Variants in LMX1B observed in about 807,000 individuals in gnomAD.
LMX1B encodes LIM homeobox transcription factor 1 beta.
Under a neutral mutation model 51.4 loss-of-function variants are expected in LMX1B, and 12 were observed. The ratio of observed to expected loss-of-function variants is 0.23; its 90% CI spans 0.15 to 0.38. The LOEUF is 0.38. LMX1B is among the 10% of genes least tolerant of loss of function. The pLI is 1.00. For missense variants in LMX1B, 445 were observed against 571.1 expected (o/e 0.78, Z 2.25); for synonymous variants, 237 against 235.4 (o/e 1.01, Z -0.06).
At chr9:126,648,892 G>C (rs1170645670) in intron 2 of LMX1B, among the ~76,000 whole-genome samples, 1 of 152,198 alleles carries the variant, frequency 6.6e-6, no homozygotes, top group Non-Finnish European at 1.5e-5. Flanking sequence ...TCAACTCCCA[G>C]AGGCAGAGCT....
chr9:126,660,090 GTCC>G (rs1274697230), intron 2 of LMX1B, among the ~76,000 whole-genome samples: 12 of 149,120 alleles, frequency 8.0e-5, no homozygotes, highest in African/African-American at 1.7e-4. Flanking sequence ...TTCAGAGGTT[GTCC>G]TGTGTGGGGG....
chr9:126,662,769 C>T (rs908971892), intron 2 of LMX1B, among the ~76,000 whole-genome samples: 6 of 152,218 alleles, frequency 3.9e-5, no homozygotes, highest in African/African-American at 7.2e-5. Flanking sequence ...CCACCGCTGC[C>T]GGGATTCAAG....
chr9:126,664,343 C>T (rs1267223305), intron 2 of LMX1B, among the ~76,000 whole-genome samples: 1 of 152,128 alleles, frequency 6.6e-6, no homozygotes, highest in East Asian at 1.9e-4. Flanking sequence ...CAGGACCAGG[C>T]CCCCCAAGTT....
At chr9:126,664,705 C>T (rs1424983645) in intron 2 of LMX1B, among the ~76,000 whole-genome samples, 6 of 152,072 alleles carry the variant, frequency 3.9e-5, no homozygotes, top group African/African-American at 9.7e-5. Context: ...GAAACCCCGT[C>T]GATACTAAAA....
intron 2 of LMX1B, among the ~76,000 whole-genome samples, chr9:126,639,662 C>T (rs1385359168): frequency 6.6e-6 from 1 of 152,192 alleles, no homozygotes; most frequent in African/African-American, 2.4e-5. Context: ...GACAGTCTCC[C>T]CTGGCCCTGC....
rs1475854249 is a variant in LMX1B at position 126,626,657 on chromosome 9, T to C, written c.326+11088T>C. On this transcript the variant is annotated intron_variant, in intron 2 of 7. Coordinates refer to ENST00000373474, the MANE Select transcript of LMX1B (RefSeq NM_001174147.2). This position sits in a 1 kb window ranked among gnomAD's most constrained non-coding sequence, Gnocchi z 4.3. ...AACACTTGATACCAACTTTGTTTTT[T>C]TGGCAAGAAAAATAAGCCTTGTTTG... Among the ~76,000 whole-genome samples, 1 of 152,154 alleles carries C rather than the reference T, an allele frequency of 6.6e-6. No homozygotes were observed. The highest frequency in any genetic ancestry group is 6.5e-5 in the Admixed American group (1 of 15,284).
chr9:126,668,743 C>T (rs1185700796), intron 2 of LMX1B, among the ~76,000 whole-genome samples: 3 of 152,140 alleles, frequency 2.0e-5, no homozygotes, highest in African/African-American at 4.8e-5. Context: ...CATGAGCCAC[C>T]GTGCCTGGCC....
rs139634998 is a variant in LMX1B at position 126,680,784 on chromosome 9, A to G, written c.327-10052A>G. On this transcript the variant is annotated intron_variant, in intron 2 of 7. Coordinates refer to ENST00000373474, the MANE Select transcript of LMX1B (RefSeq NM_001174147.2). The stretch of plus-strand genomic sequence containing the variant: ...GGCAGAAAGAAGGGGGAAGAGGGTG[A>G]ACTCAAAGGTCATGAAATAGTACAG... 1.1e-3 allele frequency among the ~76,000 whole-genome samples: 164 copies of G among 152,290 alleles called. 2 individuals are homozygous for G. Among genetic ancestry groups the G allele is most frequent in the African/African-American group, 3.9e-3 (160 of 41,548 alleles).
intron 2 of LMX1B, among the ~76,000 whole-genome samples, chr9:126,645,878 G>A (rs1453194893): frequency 6.6e-6 from 1 of 152,138 alleles, no homozygotes; most frequent in Non-Finnish European, 1.5e-5. Flanking sequence ...GATGGGGTGG[G>A]GGAGAAGCCG....
At chr9:126,635,476 G>A (rs12377679) in intron 2 of LMX1B, among the ~76,000 whole-genome samples, 40,082 of 152,206 alleles carry the variant, frequency 0.26, 5,586 homozygotes, top group Middle Eastern at 0.35. Flanking sequence ...GCCCAGCCAC[G>A]CTGATGATTG....
intron 3 of LMX1B, among the ~76,000 whole-genome samples, chr9:126,691,898 G>A (rs1303710496): frequency 6.6e-6 from 1 of 152,218 alleles, no homozygotes; most frequent in South Asian, 2.1e-4. Flanking sequence ...CCCCCAAAAG[G>A]ACGAGGCCAA....
At chr9:126,675,497 C>G (rs1013931163) in intron 2 of LMX1B, among the ~76,000 whole-genome samples, 1 of 151,876 alleles carries the variant, frequency 6.6e-6, no homozygotes, top group African/African-American at 2.4e-5. Flanking sequence ...GAGGCCGAGG[C>G]GGGCGGATCA....
intron 2 of LMX1B, among the ~76,000 whole-genome samples, chr9:126,636,105 C>T (rs1332541702): frequency 6.6e-6 from 1 of 152,220 alleles, no homozygotes; most frequent in Non-Finnish European, 1.5e-5. Context: ...CCCACTCTCA[C>T]TGAGGCTAGG....
At chr9:126,692,931 G>C (rs1227756424) in intron 3 of LMX1B, among the ~76,000 whole-genome samples, 1 of 152,226 alleles carries the variant, frequency 6.6e-6, no homozygotes, top group African/African-American at 2.4e-5. Context: ...GGGACTCGCA[G>C]GGTACAGCAG....
chr9:126,621,405 A>T (rs1036046289), intron 2 of LMX1B, among the ~76,000 whole-genome samples: 5 of 152,186 alleles, frequency 3.3e-5, no homozygotes, highest in Non-Finnish European at 7.3e-5. Context: ...CAAAACCAAA[A>T]TTATATATAT....
At chr9:126,670,096 A>T (rs1836421257) in intron 2 of LMX1B, among the ~76,000 whole-genome samples, 1 of 152,178 alleles carries the variant, frequency 6.6e-6, no homozygotes, top group Non-Finnish European at 1.5e-5. Flanking sequence ...CCCAAATCCC[A>T]GTTCCCAAGA....
intron 2 of LMX1B, among the ~76,000 whole-genome samples, chr9:126,672,723 G>A (rs1056169375): frequency 6.6e-6 from 1 of 152,168 alleles, no homozygotes; most frequent in African/African-American, 2.4e-5. Flanking sequence ...CATGGGGTGC[G>A]GGGGGCTGAG....
rs1253067494 is a variant in LMX1B at position 126,658,179 on chromosome 9, G to A, written c.327-32657G>A. On this transcript the variant is annotated intron_variant, in intron 2 of 7. Coordinates refer to ENST00000373474, the MANE Select transcript of LMX1B (RefSeq NM_001174147.2). This position sits in a 1 kb window ranked among gnomAD's most constrained non-coding sequence, Gnocchi z 4.0. ...CAGAGGTCAGGGGTCTGTGTCTGGG[G>A]AATGTGGGGGCTGGGTTGTAGGAGT... Among the ~76,000 whole-genome samples the A allele has an allele frequency of 6.6e-6, 1 of 152,112 alleles. No homozygotes were observed. Among genetic ancestry groups the A allele is most frequent in the Non-Finnish European group, 1.5e-5 (1 of 68,006 alleles).
chr9:126,683,603 G>T (rs1836718225), intron 2 of LMX1B, among the ~76,000 whole-genome samples: 1 of 152,202 alleles, frequency 6.6e-6, no homozygotes, highest in Non-Finnish European at 1.5e-5. Flanking sequence ...TCAGAGCCCC[G>T]TCCCGCCCAC....
Sources: allele counts gnomAD v4.1 joint callset (sites outside exome capture counted in the v4.1 genomes callset), GRCh38; gene constraint gnomAD v4.1.1; non-coding constraint Gnocchi (gnomAD v3.1); transcripts MANE v1.5; gene names NCBI Gene and HGNC (gene_info 2026-07-23, HGNC 2026-07-21).